Variants in ALLC observed in about 807,000 individuals in gnomAD.
ALLC encodes allantoicase.
ALLC carries 40 observed loss-of-function variants against 45.0 expected under a neutral mutation model. The ratio of observed to expected loss-of-function variants is 0.89; its 90% confidence interval spans 0.69 to 1.16. The LOEUF is 1.16. ALLC is among the 50% of genes most tolerant of loss of function. The probability of loss-of-function intolerance (pLI) is 0.00; values close to 1 mark genes in which losing one functional copy is unlikely to be tolerated. For synonymous variants in ALLC, 176 were observed against 178.1 expected, an observed-to-expected ratio of 0.99 and a Z score of 0.09; for missense variants, 488 against 493.1, an observed-to-expected ratio of 0.99 and a Z score of 0.10.
chr2:3,702,489 AG>A lies in ALLC; in HGVS notation c.1103del (p.Ser368ThrfsTer6). On this transcript the variant is annotated frameshift_variant, in exon 12 of 12. Transcript: ENST00000252505. LOFTEE classifies it high-confidence loss of function. ...CCGCCTTCGGCTCCGGGGCTTCCCC[AG>A]CTCCATCTGCCTCCTGAGGCCCCGG... ...VSRLRLRGFPSSICLLRPREK... is the reference protein window; with the variant it reads ...VSRLRLRGFPXSICLLRPREK... 6.2e-7 allele frequency: 1 copy of A among 1,611,650 alleles called. No homozygotes were observed. Among genetic ancestry groups the A allele is most frequent in the Non-Finnish European group, 8.5e-7 (1 of 1,179,456 alleles).
intron 7 of ALLC, among the ~76,000 whole-genome samples, chr2:3,685,274 G>A (rs948678994): frequency 3.3e-5 from 5 of 150,982 alleles, no homozygotes; most frequent in Non-Finnish European, 7.4e-5. Context: ...CTGCTCTCAC[G>A]TTGCTATAAA....
chr2:3,701,456 A>G, intron 10 of ALLC, 56 bp from the exon 11 acceptor site: 1 of 1,520,476 alleles, frequency 6.6e-7, no homozygotes, highest in East Asian at 2.4e-5. Context: ...GATATCCTAT[A>G]CGCCAAACTG....
chr2:3,656,567 T>C (rs1006999874), upstream of ALLC, among the ~76,000 whole-genome samples: 2 of 151,946 alleles, frequency 1.3e-5, no homozygotes, highest in Non-Finnish European at 2.9e-5. Flanking sequence ...GAATTTAGCA[T>C]AGCTAGTGGC....
chr2:3,692,347 A>T (rs1667545337), intron 7 of ALLC, among the ~76,000 whole-genome samples: 1 of 152,232 alleles, frequency 6.6e-6, no homozygotes, highest in African/African-American at 2.4e-5. Context: ...ATGCCCTAAC[A>T]CTAACGATAG....
chr2:3,658,955 G>A (rs138178955), intron 1 of ALLC, among the ~76,000 whole-genome samples: 6 of 151,030 alleles, frequency 4.0e-5, no homozygotes, highest in Non-Finnish European at 7.4e-5. Flanking sequence ...TCACAAAGTA[G>A]AACTAAATGT....
At chr2:3,663,210 A>G (rs753841303) in intron 1 of ALLC, among the ~76,000 whole-genome samples, 1 of 152,218 alleles carries the variant, frequency 6.6e-6, no homozygotes, top group Non-Finnish European at 1.5e-5. Flanking sequence ...TAAAGAAAAC[A>G]TGGTGCGTAT....
At chr2:3,650,170 C>T in the ALLC span, among the ~76,000 whole-genome samples, 11 of 152,192 alleles carry the variant, frequency 7.2e-5, no homozygotes, top group East Asian at 1.9e-4. Flanking sequence ...AAGAGGGCAG[C>T]GCTGGCTGAG....
chr2:3,646,638 G>A, the ALLC span, among the ~76,000 whole-genome samples: 4 of 152,222 alleles, frequency 2.6e-5, no homozygotes, highest in Non-Finnish European at 4.4e-5. Flanking sequence ...AAGGGAGCCC[G>A]TCAGAGCGAC....
Position 3,658,275 on chromosome 2 carries a change from A to C in ALLC, c.-82A>C, listed in dbSNP as rs1168475335. On this transcript the variant is annotated 5_prime_UTR_variant, in exon 1 of 12. Transcript: ENST00000252505. ...GGGAGCAAGAGATCCATTTATGAAT[A>C]CTTGATTTCTGACTGCTGGGTGAGC... The C allele has an allele frequency of 2.0e-5, 3 of 152,336 alleles. No individual in the cohort carries two copies. In the East Asian group the frequency reaches 5.8e-4, roughly 29 times the overall value. 9.4% of individuals were successfully genotyped at this position (152,336 alleles called of 1,614,324 possible). A position where few individuals can be genotyped will look rare whatever the true frequency, so the allele number is the denominator to read the frequency against.
intron 1 of ALLC, among the ~76,000 whole-genome samples, chr2:3,670,195 TA>T (rs1308450011): frequency 6.6e-6 from 1 of 152,220 alleles, no homozygotes; most frequent in Non-Finnish European, 1.5e-5. Flanking sequence ...GTCCGTTTCA[TA>T]GACAAAATGG....
At chr2:3,668,696 G>A (rs941230468) in intron 1 of ALLC, among the ~76,000 whole-genome samples, 4 of 146,372 alleles carry the variant, frequency 2.7e-5, no homozygotes, top group South Asian at 2.2e-4. Flanking sequence ...CTGCCTCAGC[G>A]TCCCAAGTAG....
At chr2:3,677,737 A>G (rs1454717446) in intron 3 of ALLC, among the ~76,000 whole-genome samples, 1 of 152,186 alleles carries the variant, frequency 6.6e-6, no homozygotes, top group Non-Finnish European at 1.5e-5. Context: ...TGCTACCCCT[A>G]GTCCCTTCCT....
intron 1 of ALLC, among the ~76,000 whole-genome samples, chr2:3,661,143 G>C (rs1480733351): frequency 1.3e-5 from 2 of 152,092 alleles, no homozygotes; most frequent in African/African-American, 4.8e-5. Flanking sequence ...GAGAGCCTCC[G>C]TCCCGTCTCT....
At chr2:3,691,308 A>T (rs535702057) in intron 7 of ALLC, among the ~76,000 whole-genome samples, 3 of 151,262 alleles carry the variant, frequency 2.0e-5, no homozygotes, top group African/African-American at 7.3e-5. Context: ...GCTGGAGTCC[A>T]GTGGTGCAAT....
At chr2:3,702,246 C>T (rs1485784207) in intron 11 of ALLC, 117 bp from the exon 12 acceptor site, 2 of 799,144 alleles carry the variant, frequency 2.5e-6, no homozygotes, top group African/African-American at 3.5e-5. Flanking sequence ...CAATTAATAA[C>T]TTATTTTAAA....
intron 6 of ALLC, 84 bp from the exon 7 acceptor site, chr2:3,682,858 C>T (rs1667230175): frequency 7.0e-7 from 1 of 1,425,048 alleles, no homozygotes; most frequent in Non-Finnish European, 9.7e-7. Flanking sequence ...AGTATCTCCA[C>T]ACCTTAAGTG....
upstream of ALLC, among the ~76,000 whole-genome samples, chr2:3,654,300 G>A (rs1024316582): frequency 1.3e-5 from 2 of 152,222 alleles, no homozygotes. Context: ...GAGAGGCGGT[G>A]GACTGCGACT....
At chr2:3,694,419 G>T (rs190204087) in intron 7 of ALLC, among the ~76,000 whole-genome samples, 1 of 152,190 alleles carries the variant, frequency 6.6e-6, no homozygotes, top group African/African-American at 2.4e-5. Context: ...GGTGGGAATG[G>T]GTTGGTTTAA....
intron 1 of ALLC, among the ~76,000 whole-genome samples, chr2:3,670,161 A>G (rs1666826752): frequency 6.6e-6 from 1 of 152,218 alleles, no homozygotes; most frequent in Non-Finnish European, 1.5e-5. Flanking sequence ...AGACTATGGA[A>G]GTGCCTGTTT....
Sources: gnomAD v4.1 joint callset for allele counts (sites outside exome capture counted in the v4.1 genomes callset) on GRCh38, gnomAD v4.1.1 for gene constraint, MANE v1.5 for transcripts, NCBI Gene and HGNC (gene_info 2026-07-23, HGNC 2026-07-21) for gene names.